Variants in NBEAL1 observed in about 807,000 individuals in gnomAD.
NBEAL1 encodes the protein neurobeachin like 1.
A neutral mutation model predicts 351.3 loss-of-function variants in NBEAL1; 273 were observed. The ratio of observed to expected loss-of-function variants is 0.78; its 90% CI spans 0.70 to 0.86. The LOEUF is 0.86. NBEAL1 is among the 40% of genes least tolerant of loss of function. NBEAL1 has a pLI of 0.00. For synonymous variants in NBEAL1, 1,050 were observed against 1,086.4 expected (o/e 0.97, Z 0.66); for missense variants, 2,961 against 3,201.3 (o/e 0.92, Z 1.81).
intron 49 of NBEAL1, among the ~76,000 whole-genome samples, chr2:203,200,245 G>T (rs899947515): frequency 4.6e-5 from 7 of 152,144 alleles, no homozygotes; most frequent in Non-Finnish European, 1.5e-5. Context: ...GGGTGTGGTG[G>T]CTCACACCTG....
At chr2:203,189,576 G>T (rs1000639867) in intron 45 of NBEAL1, among the ~76,000 whole-genome samples, 1 of 151,704 alleles carries the variant, frequency 6.6e-6, no homozygotes, top group South Asian at 2.1e-4. Context: ...TTAGAGAGAT[G>T]AAGTCTCACT....
chr2:203,064,594 ACAAG>A (rs1383430736), intron 6 of NBEAL1, among the ~76,000 whole-genome samples: 2 of 152,208 alleles, frequency 1.3e-5, no homozygotes, highest in African/African-American at 4.8e-5. Context: ...TTGTGAGAAA[ACAAG>A]CAAATCCCAA....
intron 6 of NBEAL1, among the ~76,000 whole-genome samples, chr2:203,064,567 G>A (rs191624348): frequency 1.3e-5 from 2 of 152,310 alleles, no homozygotes; most frequent in Admixed American, 1.3e-4. Flanking sequence ...AGCCAAGCAT[G>A]CATAATCTGA....
chr2:203,060,026 G>T (rs1425377683), intron 6 of NBEAL1, among the ~76,000 whole-genome samples: 1 of 152,018 alleles, frequency 6.6e-6, no homozygotes, highest in Non-Finnish European at 1.5e-5. Context: ...TCTATCCTCC[G>T]CCTTAGACTT....
chr2:203,024,379 G>C (rs981983194), intron 2 of NBEAL1, among the ~76,000 whole-genome samples: 1 of 151,780 alleles, frequency 6.6e-6, no homozygotes, highest in Non-Finnish European at 1.5e-5. Context: ...CCAACATGAT[G>C]TAACCTCATC....
At chr2:203,088,984 T>G (rs961348659) in intron 10 of NBEAL1, among the ~76,000 whole-genome samples, 6 of 151,866 alleles carry the variant, frequency 4.0e-5, no homozygotes, top group Non-Finnish European at 7.4e-5. Flanking sequence ...GAGGGCAGAG[T>G]AGGAGACAAG....
intron 10 of NBEAL1, 190 bp downstream of exon 10, chr2:203,084,759 G>T (rs935730849): frequency 2.5e-6 from 1 of 397,220 alleles, no homozygotes; most frequent in Non-Finnish European, 4.5e-6. Flanking sequence ...TACTTTAAAG[G>T]TAGTCAAACT....
At chr2:203,130,936 T>C (rs2063057926) in intron 25 of NBEAL1, among the ~76,000 whole-genome samples, 2 of 152,216 alleles carry the variant, frequency 1.3e-5, no homozygotes, top group Non-Finnish European at 2.9e-5. Context: ...CAGTAACTTA[T>C]AAAATAAATA....
At chr2:203,027,839 G>T (rs1351672165) in intron 2 of NBEAL1, among the ~76,000 whole-genome samples, 3 of 151,860 alleles carry the variant, frequency 2.0e-5, no homozygotes, top group Non-Finnish European at 4.4e-5. Context: ...ACCCTTCCAA[G>T]CAGCTAGGAC....
intron 53 of NBEAL1, 65 bp from the exon 54 acceptor site, chr2:203,210,893 T>G: frequency 1.1e-6 from 1 of 945,920 alleles, no homozygotes; most frequent in Non-Finnish European, 1.5e-6. Flanking sequence ...AGTCAGAGTT[T>G]TAACTGGTTA....
At chr2:203,035,217 T>C (rs2061023036) in intron 2 of NBEAL1, among the ~76,000 whole-genome samples, 1 of 149,330 alleles carries the variant, frequency 6.7e-6, no homozygotes, top group Non-Finnish European at 1.5e-5. Flanking sequence ...CACATGTGAC[T>C]AGTGGCCCCC....
chr2:203,153,029 ACTC>A (rs1222840890), intron 35 of NBEAL1, among the ~76,000 whole-genome samples: 1 of 151,760 alleles, frequency 6.6e-6, no homozygotes, highest in East Asian at 2.0e-4. Context: ...CAAGAGCAAA[ACTC>A]CTCCTCAACA....
At chr2:203,068,205 ATC>A (rs1220754594) in intron 6 of NBEAL1, among the ~76,000 whole-genome samples, 186 bp from the exon 7 acceptor site, 3 of 152,214 alleles carry the variant, frequency 2.0e-5, no homozygotes, top group African/African-American at 7.2e-5. Flanking sequence ...AAAAAAATAA[ATC>A]TGTTAATTGA....
intron 47 of NBEAL1, among the ~76,000 whole-genome samples, chr2:203,195,932 AC>A (rs2065229764): frequency 6.6e-6 from 1 of 152,164 alleles, no homozygotes; most frequent in Non-Finnish European, 1.5e-5. Flanking sequence ...GTAGTGAGCC[AC>A]CCTTGTCATT....
intron 4 of NBEAL1, among the ~76,000 whole-genome samples, chr2:203,050,949 C>T (rs763029592): frequency 2.6e-5 from 4 of 152,170 alleles, no homozygotes; most frequent in African/African-American, 4.8e-5. Context: ...ATCTTCATTT[C>T]GGAAGCTACA....
At chr2:203,165,939 A>C (rs570045296) in intron 36 of NBEAL1, among the ~76,000 whole-genome samples, 105 of 152,240 alleles carry the variant, frequency 6.9e-4, no homozygotes, top group African/African-American at 2.4e-3. Flanking sequence ...GCTACTTGGG[A>C]GGCTGAGGTG....
At position 203,192,964 on chromosome 2, in the gene NBEAL1, T is replaced by TC. The variant is rs370405336; in HGVS notation, c.6922-831_6922-830insC. Among the ~76,000 whole-genome samples the TC allele has an allele frequency of 7.4e-3, 794 of 107,094 alleles. 8 individuals carry two copies. The highest frequency in any genetic ancestry group is 0.011 in the Non-Finnish European group (549 of 52,024). 70.3% of individuals were successfully genotyped at this position (107,094 alleles called of 152,430 possible). A position where few individuals can be genotyped will look rare whatever the true frequency, so the allele number is the denominator to read the frequency against. On this transcript the variant is annotated intron_variant, in intron 46 of 55. Coordinates refer to ENST00000683969, the MANE Select transcript of NBEAL1 (RefSeq NM_001378026.1). ...AGTATTGACTTTTTTTCTTTCTTTC[T>TC]TTTTTTTTTTTTTTTTTTTTTTTTT...
At position 203,149,223 on chromosome 2, in the gene NBEAL1, C is replaced by T. The variant is rs79785683; in HGVS notation, c.5462+75C>T. On this transcript the variant is annotated intron_variant, in intron 34 of 55. Transcript: ENST00000683969. ...TCTAGAAATTTTTGAGCAAATGCCC[C>T]CTTTCACTCCAATTTCTTAAATGTT... The T allele has an allele frequency of 8.8e-3, 8,819 of 997,414 alleles. 464 individuals are homozygous for T. The African/African-American group carries it at 0.12, about 14-fold the overall frequency. The allele number at this position is 997,414 out of a possible 1,614,324, so 61.8% of individuals were successfully genotyped here. A position where few individuals can be genotyped will look rare whatever the true frequency, so the allele number is the denominator to read the frequency against.
chr2:203,084,609 GC>G lies in NBEAL1; in HGVS notation c.1098+41del, dbSNP rs1212321710. On this transcript the variant is annotated intron_variant, in intron 10 of 55. Coordinates refer to ENST00000683969, the MANE Select transcript of NBEAL1 (RefSeq NM_001378026.1). Reference sequence around the variant, plus strand: ...TTGTTGTTGTCTTTGATTTTAAGAAGCTATTTTTTGTTTTTGTTTTGATTCA... The same window carrying G: ...TTGTTGTTGTCTTTGATTTTAAGAAGTATTTTTTGTTTTTGTTTTGATTCA... The G allele has an allele frequency of 4.1e-6, 5 of 1,226,946 alleles. No individual in the cohort carries two copies. The Middle Eastern group carries it at 7.7e-4, about 189-fold the overall frequency. The allele number at this position is 1,226,946 out of a possible 1,614,324, so 76.0% of individuals were successfully genotyped here.
Sources: gnomAD v4.1 joint callset for allele counts (sites outside exome capture counted in the v4.1 genomes callset) on GRCh38, gnomAD v4.1.1 for gene constraint, MANE v1.5 for transcripts, NCBI Gene and HGNC (gene_info 2026-07-23, HGNC 2026-07-21) for gene names.